GPD1L: variants seen among roughly 807,000 people sequenced by gnomAD.
GPD1L encodes glycerol-3-phosphate dehydrogenase 1-like protein.
In GPD1L, 17 loss-of-function variants were observed where a neutral mutation model predicts 32.9. The ratio of observed to expected loss-of-function variants is 0.52; its 90% CI spans 0.35 to 0.78. The LOEUF is 0.78. Ranked by LOEUF, GPD1L falls within the 30% of genes least tolerant of loss-of-function variation. The pLI, the probability that GPD1L is intolerant of heterozygous loss-of-function variation, is 0.01. For synonymous variants in GPD1L, 187 were observed against 165.9 expected (o/e 1.13, Z -0.98); for missense variants, 361 against 447.8 (o/e 0.81, Z 1.75).
intron 7 of GPD1L, among the ~76,000 whole-genome samples, chr3:32,163,296 G>T (rs182755973): frequency 6.6e-6 from 1 of 150,750 alleles, no homozygotes; most frequent in East Asian, 2.0e-4. Flanking sequence ...AGCCTCCTGA[G>T]TAGCTGGGAC....
chr3:32,123,930 G>T (rs972207249), intron 1 of GPD1L, among the ~76,000 whole-genome samples: 1 of 152,142 alleles, frequency 6.6e-6, no homozygotes, highest in African/African-American at 2.4e-5. Flanking sequence ...TGTGGCCGCA[G>T]GTCCCCAACT....
chr3:32,107,105 A>G (rs901093), intron 1 of GPD1L, among the ~76,000 whole-genome samples: 11,192 of 152,236 alleles, frequency 0.074, 525 homozygotes, highest in Middle Eastern at 0.12. Flanking sequence ...TCCGTTCTCC[A>G]CGGCGGATCT....
At chr3:32,128,611 T>G (rs889970690) in intron 2 of GPD1L, among the ~76,000 whole-genome samples, 2 of 152,238 alleles carry the variant, frequency 1.3e-5, no homozygotes, top group African/African-American at 2.4e-5. Flanking sequence ...CCTCTAATCC[T>G]GTCTCTGTCA....
At chr3:32,129,222 G>A (rs956541307) in intron 2 of GPD1L, among the ~76,000 whole-genome samples, 2 of 152,112 alleles carry the variant, frequency 1.3e-5, no homozygotes, top group African/African-American at 4.8e-5. Context: ...CTTTGTTAAC[G>A]AAATACCCTT....
At position 32,136,766 on chromosome 3, in the gene GPD1L, G is replaced by T. The variant is rs564401774; in HGVS notation, c.226-1821G>T. Among the ~76,000 whole-genome samples, 4 of 151,038 alleles carry T rather than the reference G, an allele frequency of 2.6e-5. No individual in the cohort carries two copies. The South Asian group carries it at 6.3e-4, about 24-fold the overall frequency. ...TATTATTCTTGGTCCCATGTTTTTT[G>T]TTTTTTTTTCCCCTGTACCATCTCC... On this transcript the variant is annotated intron_variant, in intron 2 of 7. Transcript: ENST00000282541.
chr3:32,162,251 T>C (rs1246388983), intron 7 of GPD1L, among the ~76,000 whole-genome samples: 1 of 152,184 alleles, frequency 6.6e-6, no homozygotes, highest in South Asian at 2.1e-4. Context: ...AAGCACATGG[T>C]CCTTAGGCAG....
rs1701179098 is a variant in GPD1L at position 32,168,449 on chromosome 3, A to T, written c.*2539A>T. The T allele has an allele frequency of 6.5e-6, 1 of 152,674 alleles. No individual in the cohort carries two copies. Among genetic ancestry groups the T allele is most frequent in the Non-Finnish European group, 1.5e-5 (1 of 68,056 alleles). The allele number at this position is 152,674 out of a possible 1,614,324, so 9.5% of individuals were successfully genotyped here. ...TCCACCCTCCTATAATATGGAACAA[A>T]TATCTGAATGAAATCCACCCTAGGA... On this transcript the variant is annotated 3_prime_UTR_variant, in exon 8 of 8. Coordinates refer to ENST00000282541, the MANE Select transcript of GPD1L (RefSeq NM_015141.4).
chr3:32,120,128 G>A (rs1700388746), intron 1 of GPD1L, among the ~76,000 whole-genome samples: 1 of 152,126 alleles, frequency 6.6e-6, no homozygotes, highest in Admixed American at 6.5e-5. Flanking sequence ...GACCATGCCA[G>A]CCAACATGGT....
intron 5 of GPD1L, among the ~76,000 whole-genome samples, chr3:32,154,245 T>A (rs1700958145): frequency 1.3e-5 from 2 of 152,088 alleles, no homozygotes; most frequent in Non-Finnish European, 2.9e-5. Context: ...GGTGGGAAGG[T>A]TAAATGTCTA....
intron 3 of GPD1L, 116 bp from the exon 4 acceptor site, chr3:32,140,112 T>C: frequency 9.8e-7 from 1 of 1,025,462 alleles, no homozygotes; most frequent in Non-Finnish European, 1.5e-6. Context: ...GTATAGATGC[T>C]TTTACTCTTG....
chr3:32,165,341 G>T (rs73063451), intron 7 of GPD1L, among the ~76,000 whole-genome samples: 2 of 152,346 alleles, frequency 1.3e-5, no homozygotes, highest in Admixed American at 6.5e-5. Flanking sequence ...TTTGCTAATC[G>T]TGGGTCCTCA....
At chr3:32,155,437 T>C (rs1700974799) in intron 5 of GPD1L, among the ~76,000 whole-genome samples, 1 of 152,144 alleles carries the variant, frequency 6.6e-6, no homozygotes, top group African/African-American at 2.4e-5. Flanking sequence ...CAGAAGTCCA[T>C]GTTCTCTCCC....
At position 32,121,517 on chromosome 3, in the gene GPD1L, C is replaced by CTATGTATATATT. The variant is rs1166942339; in HGVS notation, c.48-6558_48-6557insATGTATATATTT. 9.8e-5 allele frequency among the ~76,000 whole-genome samples: 7 copies of CTATGTATATATT among 71,508 alleles called. 1 individual carries two copies. Among genetic ancestry groups the CTATGTATATATT allele is most frequent in the Non-Finnish European group, 1.2e-4 (5 of 41,768 alleles). 46.9% of individuals were successfully genotyped at this position (71,508 alleles called of 152,430 possible). A position where few individuals can be genotyped will look rare whatever the true frequency, so the allele number is the denominator to read the frequency against. On this transcript the variant is annotated intron_variant, in intron 1 of 7. Transcript: ENST00000282541. ...TATATATTTCTCTCTATATATATTT[C>CTATGTATATATT]TCTCTATATATATTTCTATGTATAT...
intron 6 of GPD1L, 136 bp from the exon 7 acceptor site, chr3:32,159,432 G>A: frequency 1.5e-6 from 1 of 683,804 alleles, no homozygotes; most frequent in Admixed American, 2.8e-5. Flanking sequence ...CAAGTTCGAG[G>A]CCAGCCTGCA....
intron 1 of GPD1L, among the ~76,000 whole-genome samples, chr3:32,120,822 G>A (rs920848984): frequency 2.0e-5 from 3 of 152,100 alleles, no homozygotes; most frequent in Non-Finnish European, 4.4e-5. Flanking sequence ...AAAAACAGGC[G>A]TCCATTCCTT....
intron 4 of GPD1L, among the ~76,000 whole-genome samples, chr3:32,142,889 T>C (rs564098107): frequency 6.6e-6 from 1 of 152,338 alleles, no homozygotes; most frequent in Admixed American, 6.5e-5. Context: ...TAAGCACTGA[T>C]GACCTGAATT....
At chr3:32,149,928 G>A (rs59262048) in intron 5 of GPD1L, among the ~76,000 whole-genome samples, 8,109 of 145,640 alleles carry the variant, frequency 0.056, 355 homozygotes, top group East Asian at 0.15. Flanking sequence ...CAGCCTGGGC[G>A]ACAGAGTGAG....
intron 2 of GPD1L, among the ~76,000 whole-genome samples, chr3:32,133,872 A>C (rs538651334): frequency 6.6e-6 from 1 of 152,364 alleles, no homozygotes; most frequent in South Asian, 2.1e-4. Flanking sequence ...TTGTCCACAC[A>C]GACTTCACCA....
intron 1 of GPD1L, among the ~76,000 whole-genome samples, chr3:32,108,203 C>T (rs187164952): frequency 1.4e-3 from 208 of 152,044 alleles, no homozygotes; most frequent in Non-Finnish European, 2.2e-3. Flanking sequence ...CTGGGCAACA[C>T]GGCAAAACCC....
Sources: gnomAD v4.1 joint callset for allele counts (sites outside exome capture counted in the v4.1 genomes callset) on GRCh38, gnomAD v4.1.1 for gene constraint, MANE v1.5 for transcripts, NCBI Gene and HGNC (gene_info 2026-07-23, HGNC 2026-07-21) for gene names.